The following SLC2A11 variants were observed in gnomAD, a reference collection of about 807,000 sequenced individuals.
SLC2A11 encodes the protein solute carrier family 2, facilitated glucose transporter member 11.
SLC2A11 carries 43 observed loss-of-function variants against 52.1 expected under a neutral mutation model. The ratio of observed to expected loss-of-function variants is 0.82; its 90% CI spans 0.65 to 1.06. The LOEUF (loss-of-function observed/expected upper bound fraction) is 1.06. Among genes scored for constraint, SLC2A11 ranks in the 50% least tolerant of loss-of-function variants. SLC2A11 has a pLI of 0.00. For missense variants in SLC2A11, 582 were observed against 654.2 expected, an observed-to-expected ratio of 0.89 and a Z score of 1.20; for synonymous variants, 261 against 277.6, an observed-to-expected ratio of 0.94 and a Z score of 0.59.
chr22:23,871,609 G>A (rs1419470536), intron 3 of SLC2A11: 1 of 151,912 alleles, frequency 6.6e-6, no homozygotes, highest in Non-Finnish European at 1.5e-5. Context: ...GGGCATGGTG[G>A]CGGGTGCCTG....
At chr22:23,863,017 A>C (rs907396048) in intron 2 of SLC2A11, among the ~76,000 whole-genome samples, 1 of 152,184 alleles carries the variant, frequency 6.6e-6, no homozygotes, top group African/African-American at 2.4e-5. Flanking sequence ...TCATGGAAAA[A>C]GGAAGAAGAA....
intron 1 of SLC2A11, among the ~76,000 whole-genome samples, chr22:23,860,838 C>T (rs1351015808): frequency 7.1e-6 from 1 of 140,230 alleles, no homozygotes; most frequent in Non-Finnish European, 1.6e-5. Flanking sequence ...CCTGCCAACA[C>T]GCCCAGCTAA....
At chr22:23,873,867 C>A (rs1489551383) in intron 3 of SLC2A11, among the ~76,000 whole-genome samples, 2 of 152,196 alleles carry the variant, frequency 1.3e-5, no homozygotes, top group African/African-American at 4.8e-5. Flanking sequence ...TCTCTAGACA[C>A]AAGAGACCTA....
rs769099905 is a variant in SLC2A11 at position 23,877,818 on chromosome 22, A to T, written c.643A>T (p.Ser215Cys). The T allele has an allele frequency of 6.2e-7, 1 of 1,613,416 alleles. No homozygotes were observed. Among genetic ancestry groups the T allele is most frequent in the Non-Finnish European group, 8.5e-7 (1 of 1,179,758 alleles). Residue 215 changes from serine to cysteine, a missense_variant, in exon 6 of 12, where the codon AGC becomes TGC. Transcript: ENST00000316185. ...CGCCTCCCTGCCTCTGCTCCCTGAA[A>T]GCCCGCGCTACCTCCTCATTGACTG... Reference protein sequence around the residue: ...QLASLPLLPESPRYLLIDCGD... With the variant: ...QLASLPLLPECPRYLLIDCGD...
intron 6 of SLC2A11, among the ~76,000 whole-genome samples, chr22:23,879,146 A>AT (rs892903407): frequency 3.3e-5 from 5 of 151,232 alleles, no homozygotes; most frequent in African/African-American, 9.7e-5. Flanking sequence ...TATTTTTTTT[A>AT]TTTTTTTTAT....
chr22:23,874,029 T>C (rs979297583), intron 3 of SLC2A11, among the ~76,000 whole-genome samples: 2 of 152,126 alleles, frequency 1.3e-5, no homozygotes, highest in African/African-American at 4.8e-5. Context: ...CTGAGCTCAA[T>C]ATGAGGAGCC....
chr22:23,884,084 T>A lies in SLC2A11; in HGVS notation c.1171+60T>A. 1 of 1,586,136 alleles carries A rather than the reference T, an allele frequency of 6.3e-7. No homozygotes were observed. The highest frequency in any genetic ancestry group is 8.6e-7 in the Non-Finnish European group (1 of 1,166,380). ...TCACATAGAAGGAGTGATGGGTGCCTGGGTGCACAGTGGGTGGGTGTGAAT... is the reference window on the plus strand; with the variant it reads ...TCACATAGAAGGAGTGATGGGTGCCAGGGTGCACAGTGGGTGGGTGTGAAT... On this transcript the variant is annotated intron_variant, in intron 10 of 11. Coordinates refer to ENST00000316185, the MANE Select transcript of SLC2A11 (RefSeq NM_001024939.4). This position sits in a 1 kb window ranked among gnomAD's most constrained non-coding sequence, Gnocchi z 4.3.
At chr22:23,872,727 T>G (rs1055274534) in intron 3 of SLC2A11, 8 of 152,222 alleles carry the variant, frequency 5.3e-5, no homozygotes, top group African/African-American at 1.7e-4. Flanking sequence ...CCCTCCTTCT[T>G]AGAGGAAGGG....
intron 1 of SLC2A11, among the ~76,000 whole-genome samples, chr22:23,861,356 G>A (rs117678721): frequency 6.8e-6 from 1 of 147,368 alleles, no homozygotes; most frequent in East Asian, 2.0e-4. Flanking sequence ...TGAGGCATCA[G>A]GGATGCCTTG....
At chr22:23,857,247 C>T, upstream of SLC2A11, 2 of 723,224 alleles carry the variant, frequency 2.8e-6, no homozygotes, top group Admixed American at 2.5e-5. Context: ...GACAGAGACC[C>T]GCAGACATTT....
At chr22:23,872,916 G>A (rs2032500799) in intron 3 of SLC2A11, 1 of 152,228 alleles carries the variant, frequency 6.6e-6, no homozygotes, top group Admixed American at 6.5e-5. Flanking sequence ...CTCTTCTCCA[G>A]GTCCTTTCTG....
Position 23,882,746 on chromosome 22 carries a change from C to T in SLC2A11, c.883-13C>T, listed in dbSNP as rs553130064. 2 of 1,609,470 alleles carry T rather than the reference C, an allele frequency of 1.2e-6. No individual in the cohort carries two copies. The highest frequency in any genetic ancestry group is 1.3e-5 in the African/African-American group (1 of 74,868). ...TGGAAGGGAGCCCAGGCCTGAAAGCCACCCTCTCCCAGGTGTACGCCTACG... is the reference window on the plus strand; with the variant it reads ...TGGAAGGGAGCCCAGGCCTGAAAGCTACCCTCTCCCAGGTGTACGCCTACG... On this transcript the variant is annotated splice_polypyrimidine_tract_variant and intron_variant, in intron 7 of 11. Transcript: ENST00000316185.
In SLC2A11 at chr22:23,867,812, T is replaced by C. The variant is rs888120565; in HGVS notation, c.130-669T>C. Reference sequence around the variant, plus strand: ...CTCCTGGAGGGGACATGGAAGCCTCTAGCAACCTACTCTCCCAGGATCAGG... The same window carrying C: ...CTCCTGGAGGGGACATGGAAGCCTCCAGCAACCTACTCTCCCAGGATCAGG... On this transcript the variant is annotated intron_variant, in intron 2 of 11. Transcript: ENST00000316185. 6.4e-6 allele frequency: 3 copies of C among 468,510 alleles called. No homozygotes were observed. In the East Asian group the frequency reaches 2.1e-4, roughly 33 times the overall value. The allele number at this position is 468,510 out of a possible 1,614,324, so 29.0% of individuals were successfully genotyped here. A position where few individuals can be genotyped will look rare whatever the true frequency, so the allele number is the denominator to read the frequency against.
In SLC2A11 at chr22:23,884,594, C is replaced by T; in HGVS notation, c.1300-55C>T. 3.8e-6 allele frequency: 6 copies of T among 1,573,956 alleles called. No homozygotes were observed. Among genetic ancestry groups the T allele is most frequent in the East Asian group, 2.2e-5 (1 of 44,570 alleles). The stretch of plus-strand genomic sequence containing the variant: ...CTCCTCACGACCTGTCATGGGCCTT[C>T]TGTTTAGGGGTTGATGGAGACACAC... On this transcript the variant is annotated intron_variant, in intron 11 of 11. Transcript: ENST00000316185. The surrounding 1 kb of genome is among the most constrained non-coding windows in gnomAD (Gnocchi z 4.3).
chr22:23,873,467 G>C (rs1355658347), intron 3 of SLC2A11, among the ~76,000 whole-genome samples: 1 of 151,996 alleles, frequency 6.6e-6, no homozygotes, highest in African/African-American at 2.4e-5. Flanking sequence ...CTGCCACCAT[G>C]CCTGGCTAAT....
intron 5 of SLC2A11, chr22:23,877,394 C>A: frequency 2.4e-6 from 2 of 847,648 alleles, no homozygotes; most frequent in Non-Finnish European, 4.0e-6. Flanking sequence ...GGTCAGGGAG[C>A]AAAGAACAGG....
rs1413971358 is a variant in SLC2A11, at chr22:23,869,991, TAATC to T, written c.290+1355_290+1358del. The T allele has an allele frequency of 5.6e-6, 4 of 717,524 alleles. No individual in the cohort carries two copies. The East Asian group carries it at 1.1e-4, about 19-fold the overall frequency. The allele number at this position is 717,524 out of a possible 1,614,324, so 44.4% of individuals were successfully genotyped here. On this transcript the variant is annotated intron_variant, in intron 3 of 11. Coordinates refer to ENST00000316185, the MANE Select transcript of SLC2A11 (RefSeq NM_001024939.4). Reference sequence around the variant, plus strand: ...CAATGAAGGTGGAGTTCTCATGGCCTAATCAATCTCCCAAAGGCCCACCTCTAAA... The same window carrying T: ...CAATGAAGGTGGAGTTCTCATGGCCTAATCTCCCAAAGGCCCACCTCTAAA...
At chr22:23,868,235 G>A (rs1035241199) in intron 2 of SLC2A11, 1 of 540,752 alleles carries the variant, frequency 1.8e-6, no homozygotes, top group East Asian at 2.9e-5. Context: ...GCAGAGAGGG[G>A]CAAATGGAGC....
chr22:23,871,879 C>A (rs2032468472), intron 3 of SLC2A11: 5 of 152,296 alleles, frequency 3.3e-5, no homozygotes, highest in Admixed American at 3.3e-4. Flanking sequence ...TTGGTTTATA[C>A]CACTTCTATT....
Sources: gnomAD v4.1 joint callset for allele counts (sites outside exome capture counted in the v4.1 genomes callset) on GRCh38, gnomAD v4.1.1 for gene constraint, Gnocchi (gnomAD v3.1) non-coding constraint, MANE v1.5 for transcripts, NCBI Gene and HGNC (gene_info 2026-07-23, HGNC 2026-07-21) for gene names.